The following WDR33 variants were observed in gnomAD, a reference collection of about 807,000 sequenced individuals.
The protein encoded by WDR33 is WD repeat domain 33.
Under a neutral mutation model 164.9 loss-of-function variants are expected in WDR33, and 47 were observed. The ratio of observed to expected loss-of-function variants is 0.29; its 90% CI spans 0.23 to 0.36. The LOEUF (loss-of-function observed/expected upper bound fraction) is 0.36, where lower values mean the gene tolerates loss of function less well. Among genes scored for constraint, WDR33 ranks in the 10% least tolerant of loss-of-function variants. The pLI is 1.00. For synonymous variants in WDR33, 505 were observed against 589.0 expected, an observed-to-expected ratio of 0.86 and a Z score of 2.06; for missense variants, 1,137 against 1,754.1, an observed-to-expected ratio of 0.65 and a Z score of 6.28.
rs147863798 is a variant in WDR33 at position 127,778,756 on chromosome 2, A to T, written c.-23-7752T>A. 3.8e-3 allele frequency among the ~76,000 whole-genome samples: 585 copies of T among 152,306 alleles called. 5 individuals carry two copies. Among genetic ancestry groups the T allele is most frequent in the Non-Finnish European group, 4.4e-3 (296 of 68,034 alleles). On this transcript the variant is annotated intron_variant, in intron 1 of 21. Coordinates refer to ENST00000322313, the MANE Select transcript of WDR33 (RefSeq NM_018383.5). ...GTGTCAGGGGAGAGACACTTGAGAA[A>T]AAAAAGTAAATAAAGCTCTCTAATT...
intron 1 of WDR33, among the ~76,000 whole-genome samples, chr2:127,780,004 C>T (rs1254107774): frequency 1.4e-5 from 2 of 145,372 alleles, no homozygotes; most frequent in African/African-American, 5.3e-5. Flanking sequence ...GACGGAGTCT[C>T]GCTCTGTCGC....
In WDR33 at chr2:127,724,787, A is replaced by C; in HGVS notation, c.1085+100T>G. ...AACTGCAAGCAGTCTCTGATATAGG[A>C]TATATGAACACTTAGAAAAGCTACA... On this transcript the variant is annotated intron_variant, in intron 10 of 21. Coordinates refer to ENST00000322313, the MANE Select transcript of WDR33 (RefSeq NM_018383.5). The surrounding 1 kb of genome is among the most constrained non-coding windows in gnomAD (Gnocchi z 4.8). 2.3e-6 allele frequency: 3 copies of C among 1,303,828 alleles called. No individual in the cohort carries two copies. The highest frequency in any genetic ancestry group is 3.3e-6 in the Non-Finnish European group (3 of 902,108). 80.8% of individuals were successfully genotyped at this position (1,303,828 alleles called of 1,614,324 possible).
At chr2:127,809,531 G>A (rs1689571264) in intron 1 of WDR33, among the ~76,000 whole-genome samples, 1 of 149,442 alleles carries the variant, frequency 6.7e-6, no homozygotes. Flanking sequence ...TGCCTCCGGG[G>A]TTCAAGTGAT....
chr2:127,719,434 G>A lies in WDR33; in HGVS notation c.2591C>T (p.Pro864Leu), dbSNP rs536769528. ...TGGAGGTCCTAAAGAGCCCTGGGGC[G>A]GCCCCTGCTGACTTTGTGAGCCTGG... ...GPPGSQSQQG[P>L]PQGSLGPPPQ... The change falls in exon 16 of 22, where the codon CCG becomes CTG. Residue 864 changes from proline to leucine, a missense_variant. By Grantham distance (98) the Pro-to-Leu change is moderately conservative. Around this residue, in one of 9 missense-constraint regions of WDR33, gnomAD observed 867 missense variants for 1,073.0 expected, o/e 0.81. Transcript: ENST00000322313. This position sits in a 1 kb window ranked among gnomAD's most constrained non-coding sequence, Gnocchi z 6.5. 44 of 1,563,518 alleles carry A rather than the reference G, an allele frequency of 2.8e-5. No homozygotes were observed. Among genetic ancestry groups the A allele is most frequent in the South Asian group, 3.6e-5 (3 of 83,352 alleles).
chr2:127,751,964 T>C (rs1687378682), intron 7 of WDR33, among the ~76,000 whole-genome samples: 1 of 152,220 alleles, frequency 6.6e-6, no homozygotes, highest in Admixed American at 6.5e-5. Context: ...CAAAGTCAGC[T>C]AGTCCGTTTG....
At chr2:127,734,365 T>A (rs1686788040) in intron 7 of WDR33, among the ~76,000 whole-genome samples, 1 of 152,236 alleles carries the variant, frequency 6.6e-6, no homozygotes, top group Non-Finnish European at 1.5e-5. Flanking sequence ...CCTAGCTAAA[T>A]GACCAGTGAC....
intron 1 of WDR33, among the ~76,000 whole-genome samples, chr2:127,793,202 A>T (rs922321740): frequency 2.6e-5 from 4 of 152,106 alleles, no homozygotes; most frequent in African/African-American, 9.7e-5. Flanking sequence ...AGGCCGAGGC[A>T]GGTGGATCAT....
At chr2:127,753,594 A>G (rs1687434684) in intron 7 of WDR33, among the ~76,000 whole-genome samples, 1 of 152,232 alleles carries the variant, frequency 6.6e-6, no homozygotes, top group Non-Finnish European at 1.5e-5. Flanking sequence ...ACTAACATTC[A>G]GCTTCTAGAG....
intron 1 of WDR33, among the ~76,000 whole-genome samples, chr2:127,795,167 C>A (rs1254506983): frequency 7.0e-6 from 1 of 143,506 alleles, no homozygotes; most frequent in Non-Finnish European, 1.5e-5. Flanking sequence ...ATGGTGCGAT[C>A]TCGGCTTACT....
In WDR33 at chr2:127,720,454, T is replaced by C. The variant is rs1007993033; in HGVS notation, c.1672-101A>G. 6 of 1,361,198 alleles carry C rather than the reference T, an allele frequency of 4.4e-6. No homozygotes were observed. Among genetic ancestry groups the C allele is most frequent in the Non-Finnish European group, 5.8e-6 (6 of 1,041,920 alleles). 84.3% of individuals were successfully genotyped at this position (1,361,198 alleles called of 1,614,324 possible). ...TATTCTGTTAGGGGACTCTCAAACATAAAAACTGCTCAAACTCTTCACGCT... is the reference window on the plus strand; with the variant it reads ...TATTCTGTTAGGGGACTCTCAAACACAAAAACTGCTCAAACTCTTCACGCT... On this transcript the variant is annotated intron_variant, in intron 15 of 21. Coordinates refer to ENST00000322313, the MANE Select transcript of WDR33 (RefSeq NM_018383.5). This position sits in a 1 kb window ranked among gnomAD's most constrained non-coding sequence, Gnocchi z 5.9.
chr2:127,755,468 T>A (rs768097265), intron 7 of WDR33, among the ~76,000 whole-genome samples: 3 of 152,204 alleles, frequency 2.0e-5, no homozygotes, highest in Non-Finnish European at 4.4e-5. Flanking sequence ...GTTGCCTGTA[T>A]TGTTCTGGCT....
rs191688360 is a variant in WDR33, at chr2:127,784,753, G to C, written c.-23-13749C>G. Among the ~76,000 whole-genome samples, 276 of 152,214 alleles carry C rather than the reference G, an allele frequency of 1.8e-3. 3 individuals are homozygous for C. Among genetic ancestry groups the C allele is most frequent in the African/African-American group, 6.4e-3 (267 of 41,522 alleles). On this transcript the variant is annotated intron_variant, in intron 1 of 21. Transcript: ENST00000322313. ...ATTGATTTGTCCTGCAATTTGAATG[G>C]AACTTTTACTCATGCATGATTTTTA...
At chr2:127,779,997 G>A (rs1481932026) in intron 1 of WDR33, among the ~76,000 whole-genome samples, 10 of 136,730 alleles carry the variant, frequency 7.3e-5, no homozygotes, top group Non-Finnish European at 1.2e-4. Context: ...TTTTTGAGAC[G>A]GAGTCTCGCT....
At chr2:127,774,322 G>A (rs1057037927) in intron 1 of WDR33, among the ~76,000 whole-genome samples, 1 of 151,900 alleles carries the variant, frequency 6.6e-6, no homozygotes, top group African/African-American at 2.4e-5. Flanking sequence ...AAAGTGCTGG[G>A]ATTACAGGCA....
intron 7 of WDR33, among the ~76,000 whole-genome samples, chr2:127,739,252 T>C (rs756318199): frequency 1.3e-5 from 2 of 152,096 alleles, no homozygotes; most frequent in Non-Finnish European, 2.9e-5. Flanking sequence ...TTCAGGAAAA[T>C]AGATTAAGGG....
chr2:127,771,129 C>A, intron 1 of WDR33, 125 bp from the exon 2 acceptor site: 2 of 735,546 alleles, frequency 2.7e-6, no homozygotes, highest in Middle Eastern at 3.9e-4. Flanking sequence ...TCCACTTACA[C>A]AATGAACTAC....
chr2:127,771,790 A>C (rs1573436814), intron 1 of WDR33, among the ~76,000 whole-genome samples: 1 of 103,716 alleles, frequency 9.6e-6, no homozygotes, highest in Non-Finnish European at 1.9e-5. Context: ...AGAAGGAAGG[A>C]GGGAGGGAGG....
At chr2:127,757,311 T>C (rs530706061) in intron 7 of WDR33, among the ~76,000 whole-genome samples, 91 of 152,264 alleles carry the variant, frequency 6.0e-4, no homozygotes, top group African/African-American at 2.1e-3. Flanking sequence ...CCTGTAAAAA[T>C]ATGAACACAT....
At chr2:127,793,732 C>A (rs1404307335) in intron 1 of WDR33, among the ~76,000 whole-genome samples, 1 of 151,426 alleles carries the variant, frequency 6.6e-6, no homozygotes, top group Non-Finnish European at 1.5e-5. Context: ...CAGAGCAAGA[C>A]CCTGTCTCAA....
Sources: allele counts gnomAD v4.1 joint callset (sites outside exome capture counted in the v4.1 genomes callset), GRCh38; gene constraint gnomAD v4.1.1; regional missense constraint gnomAD v4.1.1; non-coding constraint Gnocchi (gnomAD v3.1); transcripts MANE v1.5; gene names NCBI Gene and HGNC (gene_info 2026-07-23, HGNC 2026-07-21).